Variants in KCNQ5 observed in about 807,000 individuals in gnomAD.
KCNQ5 encodes the protein potassium voltage-gated channel subfamily KQT member 5.
In KCNQ5, 30 loss-of-function variants were observed where a neutral mutation model predicts 98.2. The ratio of observed to expected loss-of-function variants is 0.31; its 90% CI spans 0.23 to 0.41. KCNQ5 has a LOEUF of 0.41. KCNQ5 is among the 10% of genes least tolerant of loss of function. KCNQ5 has a pLI of 1.00. For synonymous variants in KCNQ5, 458 were observed against 449.4 expected (o/e 1.02, Z -0.24); for missense variants, 835 against 1,182.5 (o/e 0.71, Z 4.31).
At chr6:73,167,187 C>T (rs1777835645) in intron 10 of KCNQ5, among the ~76,000 whole-genome samples, 1 of 152,152 alleles carries the variant, frequency 6.6e-6, no homozygotes, top group African/African-American at 2.4e-5. Flanking sequence ...CCCTGAAGGT[C>T]ATCACTGAGT....
intron 1 of KCNQ5, among the ~76,000 whole-genome samples, chr6:72,819,774 C>T (rs956881918): frequency 6.6e-6 from 1 of 152,162 alleles, no homozygotes; most frequent in African/African-American, 2.4e-5. Flanking sequence ...CATGTTTTGC[C>T]ATCTCAGCTT....
At chr6:73,016,036 C>G (rs1770324554) in intron 2 of KCNQ5, among the ~76,000 whole-genome samples, 1 of 152,036 alleles carries the variant, frequency 6.6e-6, no homozygotes, top group Admixed American at 6.6e-5. Flanking sequence ...ACAAAACAGC[C>G]AAAATCTCTG....
intron 1 of KCNQ5, among the ~76,000 whole-genome samples, chr6:72,855,888 A>G (rs914234096): frequency 2.6e-5 from 4 of 152,348 alleles, no homozygotes; most frequent in African/African-American, 7.2e-5. Flanking sequence ...ATCTGAATTT[A>G]TCTTAAGACT....
chr6:72,928,113 T>C (rs1765521352), intron 1 of KCNQ5, among the ~76,000 whole-genome samples: 1 of 152,034 alleles, frequency 6.6e-6, no homozygotes, highest in Admixed American at 6.6e-5. Context: ...ACAGGTGAGG[T>C]TACCTGAGAA....
intron 6 of KCNQ5, among the ~76,000 whole-genome samples, chr6:73,110,137 A>G (rs781610053): frequency 2.6e-4 from 40 of 152,232 alleles, no homozygotes; most frequent in Non-Finnish European, 5.1e-4. Flanking sequence ...AAAAGCAACC[A>G]TTCCTTACCT....
intron 1 of KCNQ5, among the ~76,000 whole-genome samples, chr6:72,685,930 A>G (rs560295596): frequency 5.9e-5 from 9 of 152,280 alleles, no homozygotes; most frequent in African/African-American, 2.2e-4. Flanking sequence ...AACAGATTCA[A>G]TTCTTAGTGA....
intron 1 of KCNQ5, among the ~76,000 whole-genome samples, chr6:72,740,352 C>T (rs751622297): frequency 5.9e-5 from 9 of 152,106 alleles, no homozygotes; most frequent in Middle Eastern, 3.2e-3. Context: ...GAGAAGAGAA[C>T]GGAAACTCAG....
chr6:72,948,587 T>C (rs1452074920), intron 1 of KCNQ5, among the ~76,000 whole-genome samples: 1 of 152,144 alleles, frequency 6.6e-6, no homozygotes, highest in African/African-American at 2.4e-5. Flanking sequence ...TTTTATAGTA[T>C]TTTTCTATAC....
intron 1 of KCNQ5, among the ~76,000 whole-genome samples, chr6:72,828,895 T>G (rs140941952): frequency 2.0e-5 from 3 of 152,288 alleles, no homozygotes; most frequent in East Asian, 3.9e-4. Context: ...TTCAGTAAGA[T>G]GTTAGTTGTG....
chr6:72,625,565 T>C (rs562839103), intron 1 of KCNQ5, among the ~76,000 whole-genome samples: 20 of 152,292 alleles, frequency 1.3e-4, no homozygotes, highest in African/African-American at 4.6e-4. Context: ...ATATATAAAT[T>C]TGCGTTGATG....
At chr6:73,177,594 A>G (rs2150511022) in intron 11 of KCNQ5, among the ~76,000 whole-genome samples, 1 of 152,346 alleles carries the variant, frequency 6.6e-6, no homozygotes, top group Non-Finnish European at 1.5e-5. Flanking sequence ...ATACTCCGCA[A>G]GTAAAGAAGA....
intron 1 of KCNQ5, among the ~76,000 whole-genome samples, chr6:72,832,492 C>G (rs964451280): frequency 2.0e-5 from 3 of 152,052 alleles, no homozygotes; most frequent in Non-Finnish European, 2.9e-5. Flanking sequence ...CACGGGACAG[C>G]CCCACAACAA....
chr6:72,645,312 G>A (rs1266589370), intron 1 of KCNQ5, among the ~76,000 whole-genome samples: 2 of 151,200 alleles, frequency 1.3e-5, no homozygotes, highest in African/African-American at 2.4e-5. Context: ...CCTGAGCTCA[G>A]GAGTTTGCAG....
At chr6:72,996,757 G>A (rs1270869162) in intron 1 of KCNQ5, among the ~76,000 whole-genome samples, 1 of 152,150 alleles carries the variant, frequency 6.6e-6, no homozygotes, top group African/African-American at 2.4e-5. Flanking sequence ...TTACACTGAA[G>A]AATGAGAATG....
intron 2 of KCNQ5, among the ~76,000 whole-genome samples, chr6:73,040,463 T>C (rs985075931): frequency 5.9e-5 from 9 of 152,338 alleles, no homozygotes; most frequent in Non-Finnish European, 1.0e-4. Context: ...CAAGAAATGA[T>C]CTGGCACTTT....
intron 1 of KCNQ5, among the ~76,000 whole-genome samples, chr6:72,887,109 A>T (rs566026728): frequency 3.3e-4 from 51 of 152,320 alleles, no homozygotes; most frequent in African/African-American, 1.2e-3. Flanking sequence ...AAAATGTTCT[A>T]AGAAAGAAGG....
At chr6:72,924,143 A>T (rs1780523128) in intron 1 of KCNQ5, among the ~76,000 whole-genome samples, 1 of 152,168 alleles carries the variant, frequency 6.6e-6, no homozygotes, top group African/African-American at 2.4e-5. Context: ...AAGTTTTCTT[A>T]TAGTTCATCT....
At chr6:72,995,976 C>T (rs1401382800) in intron 1 of KCNQ5, among the ~76,000 whole-genome samples, 4 of 152,126 alleles carry the variant, frequency 2.6e-5, no homozygotes, top group African/African-American at 4.8e-5. Flanking sequence ...TACCTTGTAA[C>T]GTGCAGAAAA....
intron 1 of KCNQ5, among the ~76,000 whole-genome samples, chr6:72,711,617 A>G (rs1364024666): frequency 1.3e-5 from 2 of 152,168 alleles, no homozygotes; most frequent in Non-Finnish European, 2.9e-5. Context: ...TTTGATCTGC[A>G]TTTTTAAAAT....
Sources: allele counts gnomAD v4.1 joint callset (sites outside exome capture counted in the v4.1 genomes callset), GRCh38; gene constraint gnomAD v4.1.1; transcripts MANE v1.5; gene names NCBI Gene and HGNC (gene_info 2026-07-23, HGNC 2026-07-21).